Variants in THSD7A observed in about 807,000 individuals in gnomAD.
THSD7A encodes thrombospondin type 1 domain containing 7A.
THSD7A carries 96 observed loss-of-function variants against 231.3 expected under a neutral mutation model. The ratio of observed to expected loss-of-function variants is 0.41; its 90% CI spans 0.35 to 0.49. The LOEUF (loss-of-function observed/expected upper bound fraction) is 0.49, where lower values mean the gene tolerates loss of function less well. Ranked by LOEUF, THSD7A falls within the 20% of genes least tolerant of loss-of-function variation. The probability of loss-of-function intolerance (pLI) is 0.05; values close to 1 mark genes in which losing one functional copy is unlikely to be tolerated. For synonymous variants in THSD7A, 940 were observed against 743.3 expected (o/e 1.26, Z -4.30); for missense variants, 2,290 against 2,070.2 (o/e 1.11, Z -2.06).
At chr7:11,779,363 A>G (rs1783549367) in intron 1 of THSD7A, among the ~76,000 whole-genome samples, 1 of 152,154 alleles carries the variant, frequency 6.6e-6, no homozygotes, top group African/African-American at 2.4e-5. Context: ...TAATTCCCAA[A>G]CAAGGTCTCT....
At chr7:11,729,464 G>C (rs549428913) in intron 1 of THSD7A, among the ~76,000 whole-genome samples, 2 of 151,656 alleles carry the variant, frequency 1.3e-5, no homozygotes, top group African/African-American at 2.4e-5. Context: ...AAGCAAGAAA[G>C]GCCCCAACTG....
At chr7:11,482,108 C>G in intron 6 of THSD7A, 126 bp from the exon 7 acceptor site, 1 of 1,037,290 alleles carries the variant, frequency 9.6e-7, no homozygotes, top group South Asian at 1.7e-5. Context: ...AAAACGTAGC[C>G]AAAAGAGGGA....
chr7:11,780,407 C>T (rs978072534), intron 1 of THSD7A, among the ~76,000 whole-genome samples: 6 of 152,138 alleles, frequency 3.9e-5, no homozygotes, highest in African/African-American at 1.4e-4. Context: ...CTTGCTTTTG[C>T]CTTTCTCTCT....
At position 11,406,492 on chromosome 7, in the gene THSD7A, A is replaced by ATAAC; in HGVS notation, c.4063-22_4063-19dup. 1.3e-6 allele frequency: 2 copies of ATAAC among 1,591,884 alleles called. No homozygotes were observed. Among genetic ancestry groups the ATAAC allele is most frequent in the Non-Finnish European group, 1.7e-6 (2 of 1,170,714 alleles). ...TGGGCCTCCTGGAATGGAGGAAGAA[A>ATAAC]TAACTAATTAGAAAAAGAGAAATAC... On this transcript the variant is annotated intron_variant, in intron 21 of 27. Coordinates refer to ENST00000423059, the MANE Select transcript of THSD7A (RefSeq NM_015204.3). This position sits in a 1 kb window ranked among gnomAD's most constrained non-coding sequence, Gnocchi z 4.7.
rs1308298994 is a variant in THSD7A, at chr7:11,371,373, G to A, written c.*4421C>T. The A allele has an allele frequency of 6.6e-6, 1 of 152,284 alleles. No individual in the cohort carries two copies. The highest frequency in any genetic ancestry group is 2.1e-4 in the South Asian group (1 of 4,830). The allele number at this position is 152,284 out of a possible 1,614,324, so 9.4% of individuals were successfully genotyped here. On this transcript the variant is annotated 3_prime_UTR_variant, in exon 28 of 28. Transcript: ENST00000423059. Reference sequence around the variant, plus strand: ...ACCCTTATTCCCAGAACAAGCAGATGTAGTTCTCACAACTAAACTAGTCCC... The same window carrying A: ...ACCCTTATTCCCAGAACAAGCAGATATAGTTCTCACAACTAAACTAGTCCC...
chr7:11,448,743 A>C (rs539830453), intron 11 of THSD7A, among the ~76,000 whole-genome samples: 3 of 152,126 alleles, frequency 2.0e-5, no homozygotes. Flanking sequence ...AACACAACTT[A>C]ATGCAACTGC....
At chr7:11,604,265 G>T (rs1011908508) in intron 2 of THSD7A, among the ~76,000 whole-genome samples, 7 of 152,004 alleles carry the variant, frequency 4.6e-5, no homozygotes, top group African/African-American at 1.7e-4. Context: ...TTTTCCCAAG[G>T]TCTTGCTTAC....
chr7:11,775,020 G>A (rs898458242), intron 1 of THSD7A, among the ~76,000 whole-genome samples: 4 of 151,954 alleles, frequency 2.6e-5, no homozygotes, highest in Non-Finnish European at 5.9e-5. Context: ...CTCCAGCCTG[G>A]GTGACAGAGT....
chr7:11,655,997 G>A (rs933752564), intron 1 of THSD7A, among the ~76,000 whole-genome samples: 2 of 151,824 alleles, frequency 1.3e-5, no homozygotes, highest in African/African-American at 4.8e-5. Context: ...TTTCACCTCT[G>A]AATTCTTCCC....
chr7:11,790,543 T>C (rs1158988848), intron 1 of THSD7A, among the ~76,000 whole-genome samples: 2 of 152,002 alleles, frequency 1.3e-5, no homozygotes, highest in African/African-American at 4.8e-5. Context: ...CATTTTTGCA[T>C]GAAGAAATTG....
intron 11 of THSD7A, among the ~76,000 whole-genome samples, chr7:11,453,010 C>A (rs1785193515): frequency 6.6e-6 from 1 of 151,802 alleles, no homozygotes; most frequent in South Asian, 2.1e-4. Flanking sequence ...AGTTCTTTTT[C>A]CACTTCTTTT....
At chr7:11,393,750 AG>A (rs1427366664) in intron 23 of THSD7A, among the ~76,000 whole-genome samples, 1 of 152,268 alleles carries the variant, frequency 6.6e-6, no homozygotes, top group Non-Finnish European at 1.5e-5. Context: ...TCGATAAAGC[AG>A]AAGAAACAAT....
intron 1 of THSD7A, among the ~76,000 whole-genome samples, chr7:11,783,163 G>A (rs866521423): frequency 6.6e-6 from 1 of 152,120 alleles, no homozygotes; most frequent in African/African-American, 2.4e-5. Flanking sequence ...CTGGGGTTAT[G>A]TCTCAATAGA....
At chr7:11,437,054 T>C (rs977810128) in intron 13 of THSD7A, among the ~76,000 whole-genome samples, 3 of 152,216 alleles carry the variant, frequency 2.0e-5, no homozygotes, top group Admixed American at 1.3e-4. Context: ...TTTTAAGCAA[T>C]AGAACACTTT....
chr7:11,578,281 G>T (rs1370503033), intron 4 of THSD7A, among the ~76,000 whole-genome samples: 1 of 152,160 alleles, frequency 6.6e-6, no homozygotes, highest in Non-Finnish European at 1.5e-5. Context: ...GCTAGGAAAT[G>T]ATTTACATAT....
intron 4 of THSD7A, among the ~76,000 whole-genome samples, chr7:11,551,729 A>C (rs1789635614): frequency 6.6e-6 from 1 of 152,114 alleles, no homozygotes; most frequent in African/African-American, 2.4e-5. Flanking sequence ...AAAAGAGAAC[A>C]CTTATACACT....
In THSD7A at chr7:11,636,944, T is replaced by C; in HGVS notation, c.208A>G (p.Met70Val). 6.2e-7 allele frequency: 1 copy of C among 1,608,622 alleles called. No individual in the cohort carries two copies. The stretch of plus-strand genomic sequence containing the variant: ...CCTCCGGGACCACATTCATCTCCCA[T>C]ACATCGGCCCCATGGACCTACAAAA... ...LWKTGPWGRC[M>V]GDECGPGGIQ... Residue 70 changes from methionine (M) to valine (V), a missense_variant, in exon 2 of 28, where the codon ATG becomes GTG. Transcript: ENST00000423059. The surrounding 1 kb of genome is among the most constrained non-coding windows in gnomAD (Gnocchi z 10.0).
intron 6 of THSD7A, among the ~76,000 whole-genome samples, chr7:11,540,423 G>T (rs572021506): frequency 1.3e-4 from 20 of 152,302 alleles, no homozygotes; most frequent in African/African-American, 4.6e-4. Context: ...CTTACTGGAA[G>T]AAAATAGGAT....
At chr7:11,554,720 G>A (rs776704388) in intron 4 of THSD7A, among the ~76,000 whole-genome samples, 44 of 152,024 alleles carry the variant, frequency 2.9e-4, no homozygotes, top group Non-Finnish European at 5.2e-4. Context: ...GTCTATGTAT[G>A]AGGCATTTTG....
Sources: gnomAD v4.1 joint callset for allele counts (sites outside exome capture counted in the v4.1 genomes callset) on GRCh38, gnomAD v4.1.1 for gene constraint, Gnocchi (gnomAD v3.1) non-coding constraint, MANE v1.5 for transcripts, NCBI Gene and HGNC (gene_info 2026-07-23, HGNC 2026-07-21) for gene names.